Variants in GPR149 observed in about 807,000 individuals in gnomAD.
GPR149 encodes probable G protein-coupled receptor 149.
GPR149 carries 50 observed loss-of-function variants against 50.2 expected under a neutral mutation model. The observed-to-expected ratio is 1.00, with a 90% CI of 0.79 to 1.26. The LOEUF (loss-of-function observed/expected upper bound fraction) is 1.26, where lower values mean the gene tolerates loss of function less well. Among genes scored for constraint, GPR149 ranks in the 50% most tolerant of loss-of-function variants. GPR149 has a pLI of 0.00. For missense variants in GPR149, 983 were observed against 895.4 expected (o/e 1.10, Z -1.25); for synonymous variants, 405 against 358.2 (o/e 1.13, Z -1.48).
chr3:154,361,913 A>G (rs1418843372), intron 3 of GPR149, among the ~76,000 whole-genome samples: 2 of 152,224 alleles, frequency 1.3e-5, no homozygotes, highest in African/African-American at 4.8e-5. Context: ...CTTATTAAAA[A>G]GATACATTTA....
chr3:154,344,932 A>T (rs897148252), intron 3 of GPR149, among the ~76,000 whole-genome samples: 1 of 152,244 alleles, frequency 6.6e-6, no homozygotes, highest in Non-Finnish European at 1.5e-5. Context: ...TGCAAACAGT[A>T]CAAAAATACA....
chr3:154,423,702 G>A (rs1712209756), intron 2 of GPR149, among the ~76,000 whole-genome samples: 1 of 151,722 alleles, frequency 6.6e-6, no homozygotes, highest in African/African-American at 2.4e-5. Flanking sequence ...ATCAAAATTA[G>A]GTTGAAGAAA....
At chr3:154,349,363 G>C (rs1313578093) in intron 3 of GPR149, among the ~76,000 whole-genome samples, 1 of 152,148 alleles carries the variant, frequency 6.6e-6, no homozygotes, top group African/African-American at 2.4e-5. Flanking sequence ...TCTAGCAGCA[G>C]TGACAAAGAG....
rs759884952 is a variant in GPR149, at chr3:154,407,719, C to CACACACACACACACACACACACAT, written c.1623+13319_1623+13320insATGTGTGTGTGTGTGTGTGTGTGT. On this transcript the variant is annotated intron_variant, in intron 3 of 3. Coordinates refer to ENST00000389740, the MANE Select transcript of GPR149 (RefSeq NM_001038705.3). ...ACACACACACACACACACACACACA[C>CACACACACACACACACACACACAT]ATATATATATATATATTTCCTAGCT... Among the ~76,000 whole-genome samples, 23 of 150,468 alleles carry CACACACACACACACACACACACAT rather than the reference C, an allele frequency of 1.5e-4. No individual in the cohort carries two copies. In the East Asian group the frequency reaches 3.7e-3, roughly 24 times the overall value.
At chr3:154,385,159 G>A (rs1163842534) in intron 3 of GPR149, among the ~76,000 whole-genome samples, 2 of 152,138 alleles carry the variant, frequency 1.3e-5, no homozygotes, top group Admixed American at 1.3e-4. Flanking sequence ...GATATTTTTA[G>A]CTAGAGATGA....
intron 3 of GPR149, among the ~76,000 whole-genome samples, chr3:154,380,166 CAGAGAGAGAGAGAGAGAGAGAGAGAG>C (rs57858107): frequency 7.5e-6 from 1 of 133,602 alleles, no homozygotes; most frequent in Non-Finnish European, 1.6e-5. Context: ...GTGAGAGAGA[CAGAGAGAGAGAGAGAGAGAGAGAGAG>C]AGAGAGAGAG....
chr3:154,397,133 T>A (rs1715311643), intron 3 of GPR149, among the ~76,000 whole-genome samples: 1 of 152,054 alleles, frequency 6.6e-6, no homozygotes, highest in African/African-American at 2.4e-5. Flanking sequence ...CTCCTATTAA[T>A]TGGGGAAAGT....
Position 154,428,976 on chromosome 3 carries a change from G to A in GPR149, c.640C>T (p.His214Tyr). 6.2e-7 allele frequency: 1 copy of A among 1,614,098 alleles called. No homozygotes were observed. Among genetic ancestry groups the A allele is most frequent in the Non-Finnish European group, 8.5e-7 (1 of 1,180,026 alleles). Residue 214 changes from histidine (H) to tyrosine (Y), a missense_variant, in exon 1 of 4, where the codon CAC (histidine) becomes TAC (tyrosine). Transcript: ENST00000389740. ...GGCTCCTCCGAACACAGCAATCGGT[G>A]AGTGAGTGGGACTGAGAGGCCCACG... Reference protein sequence around the residue: ...LLVGLSVPLTHRLLCSEEPPR... With the variant: ...LLVGLSVPLTYRLLCSEEPPR...
At position 154,372,487 on chromosome 3, in the gene GPR149, G is replaced by T. The variant is rs1714688070; in HGVS notation, c.1624-34216C>A. Among the ~76,000 whole-genome samples the T allele has an allele frequency of 2.6e-5, 4 of 152,280 alleles. No homozygotes were observed. The East Asian group carries it at 7.7e-4, about 29-fold the overall frequency. Reference sequence around the variant, plus strand: ...AAACACAATTTGTAAAATCCTGTAAGATCCTGTCTCCCTTGCCATGCCGCT... The same window carrying T: ...AAACACAATTTGTAAAATCCTGTAATATCCTGTCTCCCTTGCCATGCCGCT... On this transcript the variant is annotated intron_variant, in intron 3 of 3. Transcript: ENST00000389740.
At chr3:154,383,442 A>G (rs1173987446) in intron 3 of GPR149, among the ~76,000 whole-genome samples, 1 of 152,038 alleles carries the variant, frequency 6.6e-6, no homozygotes, top group East Asian at 1.9e-4. Context: ...CAGTATTTCT[A>G]TTTCTTACTT....
intron 3 of GPR149, among the ~76,000 whole-genome samples, chr3:154,404,959 T>C (rs1254582285): frequency 3.3e-5 from 5 of 152,146 alleles, no homozygotes; most frequent in Non-Finnish European, 1.5e-5. Context: ...ATCAGAAACC[T>C]TTCCACTAAA....
intron 3 of GPR149, among the ~76,000 whole-genome samples, chr3:154,396,041 T>G (rs895446726): frequency 3.3e-5 from 5 of 152,206 alleles, no homozygotes; most frequent in Non-Finnish European, 7.4e-5. Context: ...AGATTCTCAT[T>G]GGAACATTTT....
At chr3:154,424,290 G>T (rs1463498034) in intron 2 of GPR149, among the ~76,000 whole-genome samples, 1 of 151,810 alleles carries the variant, frequency 6.6e-6, no homozygotes, top group Non-Finnish European at 1.5e-5. Flanking sequence ...GACACATAGT[G>T]ACTTTTTCCC....
At position 154,429,502 on chromosome 3, in the gene GPR149, G is replaced by A. The variant is rs372565842; in HGVS notation, c.114C>T (p.Cys38=). 7.8e-5 allele frequency: 126 copies of A among 1,613,966 alleles called. No homozygotes were observed. The highest frequency in any genetic ancestry group is 3.3e-4 in the Middle Eastern group (2 of 6,084). The change falls in exon 1 of 4, where the codon TGC becomes TGT. Residue 38 remains cysteine (C), a synonymous_variant. Transcript: ENST00000389740. The stretch of plus-strand genomic sequence containing the variant: ...CTGCAAAAGTCATGAGACATGTCAA[G>A]CAAAAAAGATAGATATTCAGGGTTC... ...PPGTLNIYLF[C]LTCLMTFAAL...
chr3:154,347,060 C>T (rs548096670), intron 3 of GPR149, among the ~76,000 whole-genome samples: 1 of 152,198 alleles, frequency 6.6e-6, no homozygotes, highest in African/African-American at 2.4e-5. Context: ...TTCACAACAA[C>T]CTTATAAAAT....
intron 3 of GPR149, among the ~76,000 whole-genome samples, chr3:154,374,398 C>T (rs1355001369): frequency 6.6e-6 from 1 of 151,820 alleles, no homozygotes; most frequent in Non-Finnish European, 1.5e-5. Context: ...GTATCGAACT[C>T]CTGGACTCAA....
intron 3 of GPR149, among the ~76,000 whole-genome samples, chr3:154,401,701 A>G (rs982604634): frequency 3.3e-5 from 5 of 152,210 alleles, no homozygotes; most frequent in Non-Finnish European, 5.9e-5. Context: ...CAAGACTGCA[A>G]TTTTGGCTGT....
At chr3:154,368,684 G>T (rs1714596340) in intron 3 of GPR149, among the ~76,000 whole-genome samples, 1 of 152,206 alleles carries the variant, frequency 6.6e-6, no homozygotes, top group South Asian at 2.1e-4. Flanking sequence ...TAAGAGAGGG[G>T]CTTACTCCTT....
chr3:154,366,466 G>C (rs1375208055), intron 3 of GPR149, among the ~76,000 whole-genome samples: 1 of 152,202 alleles, frequency 6.6e-6, no homozygotes, highest in Non-Finnish European at 1.5e-5. Context: ...AATGCAGCCA[G>C]GACTTTCCCT....
Sources: allele counts gnomAD v4.1 joint callset (sites outside exome capture counted in the v4.1 genomes callset), GRCh38; gene constraint gnomAD v4.1.1; transcripts MANE v1.5; gene names NCBI Gene and HGNC (gene_info 2026-07-23, HGNC 2026-07-21).